Variants in UNC13B observed in about 807,000 individuals in gnomAD.
UNC13B encodes protein unc-13 homolog B.
Under a neutral mutation model 211.0 loss-of-function variants are expected in UNC13B, and 144 were observed. The observed-to-expected ratio is 0.68, with a 90% CI of 0.60 to 0.78. UNC13B has a LOEUF of 0.78. Ranked by LOEUF, UNC13B falls within the 30% of genes least tolerant of loss-of-function variation. The pLI, the probability that UNC13B is intolerant of heterozygous loss-of-function variation, is 0.00. For synonymous variants in UNC13B, 709 were observed against 725.8 expected, an observed-to-expected ratio of 0.98 and a Z score of 0.37; for missense variants, 1,777 against 2,002.0, an observed-to-expected ratio of 0.89 and a Z score of 2.14.
rs771974159 is a variant in UNC13B at position 35,397,724 on chromosome 9, C to T, written c.11754+12C>T. On this transcript the variant is annotated intron_variant, in intron 30 of 39. Transcript: ENST00000635942. ...CAAAGGAGAAACTGGTAGGTTCAGG[C>T]CCTGGGACTCTTACAGAAAGAGAGT... 6.2e-6 allele frequency: 10 copies of T among 1,613,516 alleles called. No homozygotes were observed. In the East Asian group the frequency reaches 8.9e-5, roughly 14 times the overall value.
chr9:35,198,748 G>A (rs1402963491), intron 1 of UNC13B, among the ~76,000 whole-genome samples: 1 of 152,128 alleles, frequency 6.6e-6, no homozygotes, highest in African/African-American at 2.4e-5. Context: ...AGGCTGAGGA[G>A]TTTTCAGATG....
chr9:35,343,529 G>A (rs1366057031), intron 11 of UNC13B, among the ~76,000 whole-genome samples: 1 of 152,168 alleles, frequency 6.6e-6, no homozygotes, highest in African/African-American at 2.4e-5. Context: ...TCTTCTGTAG[G>A]CTGGGGCCTT....
chr9:35,215,425 T>C (rs1824199721), intron 1 of UNC13B, among the ~76,000 whole-genome samples: 1 of 152,046 alleles, frequency 6.6e-6, no homozygotes, highest in Admixed American at 6.6e-5. Flanking sequence ...AATAAATAAA[T>C]ATACTTTATA....
intron 11 of UNC13B, among the ~76,000 whole-genome samples, chr9:35,350,024 A>C (rs1172398966): frequency 6.6e-6 from 1 of 152,234 alleles, no homozygotes; most frequent in Non-Finnish European, 1.5e-5. Context: ...GTCAAAGAAC[A>C]TGAAGAGTAG....
chr9:35,300,582 TAC>T lies in UNC13B; in HGVS notation c.1180_1181del (p.Gln394ValfsTer17). 5.0e-6 allele frequency: 2 copies of T among 398,890 alleles called. No homozygotes were observed. The highest frequency in any genetic ancestry group is 4.4e-6 in the Non-Finnish European group (1 of 226,022). 24.7% of individuals were successfully genotyped at this position (398,890 alleles called of 1,614,324 possible). ...CCCATTTCTGATAAGCAGGAAAATT[TAC>T]AGTCACCAACATGGCATTCATCCAA... On this transcript the variant is annotated frameshift_variant, in exon 9 of 40. Transcript: ENST00000635942. LOFTEE classifies it high-confidence loss of function.
intron 1 of UNC13B, among the ~76,000 whole-genome samples, chr9:35,175,967 G>A (rs976093446): frequency 1.1e-4 from 17 of 150,874 alleles, no homozygotes; most frequent in Non-Finnish European, 1.6e-4. Context: ...CAGAGGTTGC[G>A]GTGAGCTGAG....
chr9:35,228,752 G>T (rs559513047), intron 2 of UNC13B, among the ~76,000 whole-genome samples: 2 of 147,228 alleles, frequency 1.4e-5, no homozygotes, highest in South Asian at 4.3e-4. Flanking sequence ...GTGTGTGTAT[G>T]TGTGTGTCTG....
chr9:35,372,113 T>C (rs1175140915), intron 13 of UNC13B, among the ~76,000 whole-genome samples: 3 of 152,000 alleles, frequency 2.0e-5, no homozygotes, highest in African/African-American at 7.3e-5. Flanking sequence ...CTACTAAAAA[T>C]ACAAAAAAAT....
intron 1 of UNC13B, among the ~76,000 whole-genome samples, chr9:35,184,686 C>T (rs1587320646): frequency 7.3e-6 from 1 of 137,010 alleles, no homozygotes; most frequent in Non-Finnish European, 1.6e-5. Context: ...CCAGCCTCGA[C>T]AACAGAGGGA....
At chr9:35,206,985 G>A (rs966286573) in intron 1 of UNC13B, among the ~76,000 whole-genome samples, 1 of 151,870 alleles carries the variant, frequency 6.6e-6, no homozygotes, top group Admixed American at 6.6e-5. Context: ...CTGTTTGGAT[G>A]TTATGTATAA....
Position 35,397,964 on chromosome 9 carries a change from T to C in UNC13B, c.11755-247T>C, listed in dbSNP as rs371711854. ...TTTTTTAATATATATATAAAAACTT[T>C]AGATATTCAGAAAGTTATAAAGGAT... On this transcript the variant is annotated intron_variant, in intron 30 of 39. Transcript: ENST00000635942. Among the ~76,000 whole-genome samples, 98 of 152,280 alleles carry C rather than the reference T, an allele frequency of 6.4e-4. 1 individual carries two copies. In the South Asian group the frequency reaches 0.016, roughly 24 times the overall value.
intron 22 of UNC13B, chr9:35,384,976 A>T (rs1460933737): frequency 1.1e-6 from 1 of 938,230 alleles, no homozygotes; most frequent in Non-Finnish European, 1.3e-6. Context: ...AAAGTCAAAA[A>T]GAAATGAGGT....
intron 1 of UNC13B, among the ~76,000 whole-genome samples, chr9:35,170,162 GT>G (rs577735418): frequency 1.6e-4 from 23 of 148,382 alleles, no homozygotes; most frequent in Middle Eastern, 3.5e-3. Flanking sequence ...TATTATTACT[GT>G]TTTTTTTTTG....
At chr9:35,344,696 C>T (rs1466223797) in intron 11 of UNC13B, among the ~76,000 whole-genome samples, 2 of 152,088 alleles carry the variant, frequency 1.3e-5, no homozygotes, top group African/African-American at 2.4e-5. Flanking sequence ...GGTAGTAGGG[C>T]TTTTGAGAAG....
intron 7 of UNC13B, among the ~76,000 whole-genome samples, chr9:35,285,863 T>C (rs1389574209): frequency 6.6e-6 from 1 of 152,164 alleles, no homozygotes; most frequent in Non-Finnish European, 1.5e-5. Flanking sequence ...ACTACTAAGT[T>C]TGTTGACTGA....
chr9:35,364,800 G>A (rs1045224308), intron 11 of UNC13B, among the ~76,000 whole-genome samples: 7 of 152,202 alleles, frequency 4.6e-5, no homozygotes, highest in African/African-American at 1.4e-4. Flanking sequence ...CTGCGAGAAT[G>A]TGTGTGCACC....
At chr9:35,267,228 G>A (rs932748664) in intron 7 of UNC13B, among the ~76,000 whole-genome samples, 11 of 152,186 alleles carry the variant, frequency 7.2e-5, no homozygotes, top group South Asian at 2.1e-4. Context: ...GCTCCAAGTT[G>A]CACTTGCTCC....
intron 7 of UNC13B, among the ~76,000 whole-genome samples, chr9:35,267,303 GC>G (rs1827631799): frequency 6.6e-6 from 1 of 152,170 alleles, no homozygotes; most frequent in Admixed American, 6.5e-5. Context: ...AACCACTTGG[GC>G]AGGAATAAGA....
At chr9:35,322,516 G>A (rs954525984) in intron 11 of UNC13B, among the ~76,000 whole-genome samples, 2 of 152,076 alleles carry the variant, frequency 1.3e-5, no homozygotes, top group African/African-American at 2.4e-5. Context: ...GGTTTAAATG[G>A]AGCAGTCTCA....
Sources: allele counts gnomAD v4.1 joint callset (sites outside exome capture counted in the v4.1 genomes callset), GRCh38; gene constraint gnomAD v4.1.1; transcripts MANE v1.5; gene names NCBI Gene and HGNC (gene_info 2026-07-23, HGNC 2026-07-21).